AFG3L2: variants seen among roughly 807,000 people sequenced by gnomAD.
AFG3L2 encodes the protein mitochondrial inner membrane m-AAA protease component AFG3L2.
Under a neutral mutation model 94.5 loss-of-function variants are expected in AFG3L2, and 54 were observed. The ratio of observed to expected loss-of-function variants is 0.57; its 90% CI spans 0.46 to 0.72. AFG3L2 has a LOEUF of 0.72. Ranked by LOEUF, AFG3L2 falls within the 30% of genes least tolerant of loss-of-function variation. The pLI, the probability that AFG3L2 is intolerant of heterozygous loss-of-function variation, is 0.00. For missense variants in AFG3L2, 754 were observed against 994.9 expected (o/e 0.76, Z 3.26); for synonymous variants, 377 against 365.5 (o/e 1.03, Z -0.36).
At chr18:12,333,162 T>G (rs1288507337) in intron 16 of AFG3L2, among the ~76,000 whole-genome samples, 1 of 30,314 alleles carries the variant, frequency 3.3e-5, no homozygotes, top group Non-Finnish European at 8.2e-5. Flanking sequence ...TAATCTAATA[T>G]ATATAATAAT....
intron 13 of AFG3L2, among the ~76,000 whole-genome samples, chr18:12,344,996 C>T (rs1366450901): frequency 6.6e-6 from 1 of 152,224 alleles, no homozygotes; most frequent in African/African-American, 2.4e-5. Flanking sequence ...ATACTGGGCA[C>T]GCGAAGATGG....
At chr18:12,357,457 T>C (rs1294754408) in intron 8 of AFG3L2, among the ~76,000 whole-genome samples, 3 of 152,216 alleles carry the variant, frequency 2.0e-5, no homozygotes, top group Non-Finnish European at 4.4e-5. Context: ...GGTCAAATGA[T>C]ATTTTTTCTA....
intron 15 of AFG3L2, among the ~76,000 whole-genome samples, chr18:12,338,822 G>T (rs181470058): frequency 4.0e-4 from 61 of 152,206 alleles, no homozygotes; most frequent in African/African-American, 1.1e-3. Context: ...CAGGCTAAAA[G>T]AAATCAGGGA....
At chr18:12,335,633 G>A (rs1037741190) in intron 16 of AFG3L2, among the ~76,000 whole-genome samples, 1 of 152,112 alleles carries the variant, frequency 6.6e-6, no homozygotes, top group Non-Finnish European at 1.5e-5. Context: ...GGGTCTACAG[G>A]GTCCACCACC....
intron 16 of AFG3L2, among the ~76,000 whole-genome samples, chr18:12,334,731 G>C (rs1428448694): frequency 1.3e-5 from 2 of 152,170 alleles, no homozygotes; most frequent in East Asian, 3.9e-4. Context: ...TTCCAAGCTG[G>C]TCTGGTCTGT....
intron 16 of AFG3L2, among the ~76,000 whole-genome samples, chr18:12,330,417 C>T (rs921261024): frequency 6.6e-6 from 1 of 151,908 alleles, no homozygotes; most frequent in Admixed American, 6.6e-5. Flanking sequence ...ACAAGATGTT[C>T]AGTGTGCACA....
At chr18:12,329,806 T>A (rs1907459478) in intron 16 of AFG3L2, 23 bp from the exon 17 acceptor site, 1 of 1,574,890 alleles carries the variant, frequency 6.3e-7, no homozygotes, top group Admixed American at 1.7e-5. Flanking sequence ...CAATTTTCAT[T>A]AAATACAGTT....
At chr18:12,333,362 A>G (rs531689118) in intron 16 of AFG3L2, among the ~76,000 whole-genome samples, 1 of 133,080 alleles carries the variant, frequency 7.5e-6, no homozygotes, top group Admixed American at 9.2e-5. Flanking sequence ...TTATATATAT[A>G]TATTTTTTCC....
In AFG3L2 at chr18:12,356,649, G is replaced by A. The variant is rs752574129; in HGVS notation, c.1164+45C>T. The A allele has an allele frequency of 4.3e-6, 7 of 1,613,528 alleles. No homozygotes were observed. In the African/African-American group the frequency reaches 9.3e-5, roughly 22 times the overall value. On this transcript the variant is annotated intron_variant, in intron 9 of 16. Transcript: ENST00000269143. Reference sequence around the variant, plus strand: ...CAAGTGCCTCCATCTGTGGTGAAGTGGTGGGTGCAAGGAAGCTGTACCATC... The same window carrying A: ...CAAGTGCCTCCATCTGTGGTGAAGTAGTGGGTGCAAGGAAGCTGTACCATC...
At chr18:12,350,239 G>A (rs1908270923) in intron 12 of AFG3L2, among the ~76,000 whole-genome samples, 1 of 151,730 alleles carries the variant, frequency 6.6e-6, no homozygotes, top group African/African-American at 2.4e-5. Flanking sequence ...TCGAACTCCT[G>A]ACCTCAGGTG....
chr18:12,349,254 G>A (rs7235237), intron 12 of AFG3L2, among the ~76,000 whole-genome samples: 5,133 of 152,118 alleles, frequency 0.034, 270 homozygotes, highest in African/African-American at 0.12. Context: ...GTAATAAAAA[G>A]ACAGTGACGA....
intron 3 of AFG3L2, among the ~76,000 whole-genome samples, chr18:12,370,420 G>A (rs182339265): frequency 6.7e-6 from 1 of 149,200 alleles, no homozygotes; most frequent in Admixed American, 6.7e-5. Flanking sequence ...AATTTTATAT[G>A]TACTTGCAAC....
intron 13 of AFG3L2, among the ~76,000 whole-genome samples, chr18:12,345,350 T>A (rs148653876): frequency 6.6e-6 from 1 of 152,378 alleles, no homozygotes; most frequent in African/African-American, 2.4e-5. Flanking sequence ...AAAAACTAAC[T>A]GCGCCATTTG....
intron 16 of AFG3L2, among the ~76,000 whole-genome samples, chr18:12,330,335 AAAC>A (rs1907481280): frequency 2.3e-4 from 5 of 22,156 alleles, no homozygotes; most frequent in Admixed American, 1.7e-3. Context: ...CAAAACAAAC[AAAC>A]AAAAAAAAAT....
intron 13 of AFG3L2, among the ~76,000 whole-genome samples, chr18:12,345,229 G>A (rs942759884): frequency 5.3e-5 from 8 of 152,334 alleles, no homozygotes; most frequent in South Asian, 2.1e-4. Context: ...CACAAGACCC[G>A]TGCTGCAGCC....
chr18:12,331,668 C>A (rs1278356795), intron 16 of AFG3L2, among the ~76,000 whole-genome samples: 3 of 152,060 alleles, frequency 2.0e-5, no homozygotes, highest in African/African-American at 7.3e-5. Context: ...GTGGCACCTG[C>A]CTGTAATCCC....
chr18:12,343,084 T>C (rs1568136125), intron 14 of AFG3L2: 1 of 152,156 alleles, frequency 6.6e-6, no homozygotes, highest in Non-Finnish European at 1.5e-5. Flanking sequence ...GATGTAACAC[T>C]CCATGAGCAA....
intron 5 of AFG3L2, among the ~76,000 whole-genome samples, chr18:12,364,355 G>A (rs1453506191): frequency 1.3e-5 from 2 of 152,052 alleles, no homozygotes; most frequent in African/African-American, 2.4e-5. Context: ...ATGCTGTTAC[G>A]AACATTCCCA....
In AFG3L2 at chr18:12,337,331, T is replaced by A. The variant is rs778340897; in HGVS notation, c.2175+10A>T. 124 of 1,612,838 alleles carry A rather than the reference T, an allele frequency of 7.7e-5. 1 individual carries two copies. The highest frequency in any genetic ancestry group is 1.7e-6 in the Non-Finnish European group (2 of 1,179,050). ...AACTGTAAAGAATTATTCCCACAACTGGCACCTACCTTCTCCACGTCAGCT... is the reference window on the plus strand; with the variant it reads ...AACTGTAAAGAATTATTCCCACAACAGGCACCTACCTTCTCCACGTCAGCT... On this transcript the variant is annotated intron_variant, in intron 16 of 16. Transcript: ENST00000269143.
Sources: gnomAD v4.1 joint callset for allele counts (sites outside exome capture counted in the v4.1 genomes callset) on GRCh38, gnomAD v4.1.1 for gene constraint, MANE v1.5 for transcripts, NCBI Gene and HGNC (gene_info 2026-07-23, HGNC 2026-07-21) for gene names.